The following DTNB variants were observed in gnomAD, a reference collection of about 807,000 sequenced individuals.
DTNB encodes the protein DTN-B.
In DTNB, 63 loss-of-function variants were observed where a neutral mutation model predicts 90.7. The ratio of observed to expected loss-of-function variants is 0.69; its 90% CI spans 0.57 to 0.86. The LOEUF is 0.86. DTNB is among the 40% of genes least tolerant of loss of function. The pLI, the probability that DTNB is intolerant of heterozygous loss-of-function variation, is 0.00. For missense variants in DTNB, 744 were observed against 807.1 expected, an observed-to-expected ratio of 0.92 and a Z score of 0.95; for synonymous variants, 277 against 286.7, an observed-to-expected ratio of 0.97 and a Z score of 0.34.
chr2:25,476,596 T>G (rs893355932), intron 10 of DTNB, among the ~76,000 whole-genome samples: 1 of 152,286 alleles, frequency 6.6e-6, no homozygotes, highest in Admixed American at 6.5e-5. Flanking sequence ...CATGGAATTC[T>G]AGGGGTTCAA....
intron 8 of DTNB, among the ~76,000 whole-genome samples, chr2:25,540,126 C>T (rs561765354): frequency 4.5e-4 from 68 of 152,300 alleles, no homozygotes; most frequent in Non-Finnish European, 7.8e-4. Context: ...TCACTATCTT[C>T]GGCCCTTTGC....
intron 9 of DTNB, among the ~76,000 whole-genome samples, chr2:25,508,110 ATTACC>A (rs748101838): frequency 1.3e-5 from 2 of 152,266 alleles, no homozygotes; most frequent in Non-Finnish European, 2.9e-5. Context: ...TATAGCACTT[ATTACC>A]TTCTAATATA....
intron 16 of DTNB, among the ~76,000 whole-genome samples, chr2:25,391,193 G>A (rs2041012454): frequency 6.6e-6 from 1 of 152,092 alleles, no homozygotes; most frequent in South Asian, 2.1e-4. Context: ...ACCGCGCCTG[G>A]CCTAGGCAAT....
chr2:25,505,564 G>C (rs371827131), intron 9 of DTNB, among the ~76,000 whole-genome samples: 1 of 151,996 alleles, frequency 6.6e-6, no homozygotes, highest in African/African-American at 2.4e-5. Flanking sequence ...AGGTTTACAT[G>C]GTTGAGTTAG....
intron 8 of DTNB, among the ~76,000 whole-genome samples, chr2:25,554,610 C>G (rs2056957260): frequency 6.6e-6 from 1 of 152,076 alleles, no homozygotes; most frequent in African/African-American, 2.4e-5. Flanking sequence ...AAGACTTGTA[C>G]CAGAAAATCC....
intron 3 of DTNB, among the ~76,000 whole-genome samples, chr2:25,633,182 C>T (rs1027815546): frequency 1.3e-5 from 2 of 151,200 alleles, no homozygotes; most frequent in Non-Finnish European, 2.9e-5. Flanking sequence ...TCTCCCTCTC[C>T]CTCTCTTTCC....
intron 11 of DTNB, among the ~76,000 whole-genome samples, chr2:25,454,121 A>G (rs6715930): frequency 1 from 150,359 of 150,682 alleles, 75,018 homozygotes; most frequent in Middle Eastern, 1. Context: ...CTGCGCTCCA[A>G]CCTGGACGAC....
chr2:25,643,982 G>C (rs986649660), intron 2 of DTNB, among the ~76,000 whole-genome samples: 1 of 152,154 alleles, frequency 6.6e-6, no homozygotes, highest in Non-Finnish European at 1.5e-5. Flanking sequence ...AGTAACCTCT[G>C]GTGGTCCTCA....
At chr2:25,447,499 CTTTTTTTTTTTTTT>C (rs34508984) in intron 12 of DTNB, among the ~76,000 whole-genome samples, 2 of 116,028 alleles carry the variant, frequency 1.7e-5, no homozygotes, top group African/African-American at 3.2e-5. Context: ...AGCTAGTTAT[CTTTTTTTTTTTTTT>C]TTTTTTTTGA....
At chr2:25,455,592 T>A in intron 10 of DTNB, 98 bp from the exon 11 acceptor site, 1 of 963,414 alleles carries the variant, frequency 1.0e-6, no homozygotes, top group Non-Finnish European at 1.5e-6. Flanking sequence ...AAGAAAAATT[T>A]AAAAAATAAT....
chr2:25,497,089 A>G (rs2069087221), intron 9 of DTNB, among the ~76,000 whole-genome samples: 1 of 152,212 alleles, frequency 6.6e-6, no homozygotes, highest in Admixed American at 6.5e-5. Context: ...AAACAGAACA[A>G]TCACATGACG....
At chr2:25,645,076 C>T (rs773472527) in intron 2 of DTNB, among the ~76,000 whole-genome samples, 1 of 152,062 alleles carries the variant, frequency 6.6e-6, no homozygotes, top group Non-Finnish European at 1.5e-5. Context: ...AGAATAATAG[C>T]AAGCAAAGAA....
chr2:25,418,301 T>C (rs2048469693), intron 16 of DTNB, among the ~76,000 whole-genome samples: 1 of 152,218 alleles, frequency 6.6e-6, no homozygotes, highest in East Asian at 1.9e-4. Context: ...TCTTCTTTCC[T>C]TTCCTCTCGC....
intron 2 of DTNB, among the ~76,000 whole-genome samples, chr2:25,651,353 AGCAGTCTAACT>A (rs2148931053): frequency 6.6e-6 from 1 of 152,370 alleles, no homozygotes; most frequent in African/African-American, 2.4e-5. Flanking sequence ...ATCCAAACTA[AGCAGTCTAACT>A]GCAAAGCTGG....
intron 8 of DTNB, among the ~76,000 whole-genome samples, chr2:25,543,218 C>A (rs1231612025): frequency 6.6e-6 from 1 of 151,774 alleles, no homozygotes; most frequent in Non-Finnish European, 1.5e-5. Context: ...CCTGGTATGT[C>A]TTTTTTATTC....
intron 8 of DTNB, 135 bp from the exon 9 acceptor site, chr2:25,531,732 C>A: frequency 8.1e-7 from 1 of 1,236,806 alleles, no homozygotes. Flanking sequence ...ACATCAATAT[C>A]ATTGGGCCTT....
chr2:25,391,641 G>A (rs957686839), intron 16 of DTNB, among the ~76,000 whole-genome samples: 3 of 152,128 alleles, frequency 2.0e-5, no homozygotes, highest in African/African-American at 7.2e-5. Context: ...ATATACTGCT[G>A]ATAGAAATGT....
At chr2:25,618,728 AC>A (rs2071539692) in intron 4 of DTNB, among the ~76,000 whole-genome samples, 1 of 152,110 alleles carries the variant, frequency 6.6e-6, no homozygotes, top group Admixed American at 6.5e-5. Flanking sequence ...TGTGATTTTA[AC>A]CCCACTCAAA....
intron 9 of DTNB, among the ~76,000 whole-genome samples, chr2:25,507,582 AC>A (rs2072784906): frequency 6.6e-6 from 1 of 151,930 alleles, no homozygotes; most frequent in Non-Finnish European, 1.5e-5. Flanking sequence ...GTATCTTATC[AC>A]CTCTTATTAC....
Sources: allele counts gnomAD v4.1 joint callset (sites outside exome capture counted in the v4.1 genomes callset), GRCh38; gene constraint gnomAD v4.1.1; transcripts MANE v1.5; gene names NCBI Gene and HGNC (gene_info 2026-07-23, HGNC 2026-07-21).